The following PDE4D variants were observed in gnomAD, a reference collection of about 807,000 sequenced individuals.
PDE4D encodes phosphodiesterase 4D.
Under a neutral mutation model 87.4 loss-of-function variants are expected in PDE4D, and 24 were observed. That is an observed-to-expected ratio of 0.27 (90% CI 0.20 to 0.39). The LOEUF is 0.39. Among genes scored for constraint, PDE4D ranks in the 10% least tolerant of loss-of-function variants. The probability of loss-of-function intolerance (pLI) is 1.00; values close to 1 mark genes in which losing one functional copy is unlikely to be tolerated. For missense variants in PDE4D, 714 were observed against 1,041.0 expected (o/e 0.69, Z 4.32); for synonymous variants, 384 against 383.2 (o/e 1.00, Z -0.02).
rs35979900 is a variant in PDE4D, at chr5:59,762,854, GATATATATATATATATATATAT to G, written c.455+130292_455+130313del. 9.3e-4 allele frequency among the ~76,000 whole-genome samples: 48 copies of G among 51,690 alleles called. 2 individuals are homozygous for G. The Middle Eastern group carries it at 0.069, about 75-fold the overall frequency. The allele number at this position is 51,690 out of a possible 152,430, so 33.9% of individuals were successfully genotyped here. A position where few individuals can be genotyped will look rare whatever the true frequency, so the allele number is the denominator to read the frequency against. On this transcript the variant is annotated intron_variant, in intron 1 of 14. Transcript: ENST00000340635. ...ACTAAAAAAGAGCAAACTGCTTAAG[GATATATATATATATATATATAT>G]ATATATATATATATATAGCTTGCTC...
intron 5 of PDE4D, among the ~76,000 whole-genome samples, chr5:59,114,889 A>G (rs940089685): frequency 2.7e-5 from 4 of 146,060 alleles, no homozygotes; most frequent in Non-Finnish European, 4.4e-5. Flanking sequence ...AAGTGGGGGG[A>G]AAAGAAAAAG....
intron 1 of PDE4D, among the ~76,000 whole-genome samples, chr5:59,856,576 G>A (rs578008353): frequency 6.6e-6 from 1 of 152,104 alleles, no homozygotes; most frequent in African/African-American, 2.4e-5. Context: ...CTCTATTACC[G>A]ACACGGCATC....
At chr5:59,625,394 C>T (rs1165107714) in intron 1 of PDE4D, among the ~76,000 whole-genome samples, 1 of 151,984 alleles carries the variant, frequency 6.6e-6, no homozygotes, top group East Asian at 1.9e-4. Flanking sequence ...ACCTTGATTC[C>T]AGATAAGATC....
chr5:59,977,459 G>T (rs1055560615), intron 3 of PDE4D, among the ~76,000 whole-genome samples: 5 of 152,128 alleles, frequency 3.3e-5, no homozygotes, highest in Admixed American at 3.3e-4. Context: ...TGCCAGCAGA[G>T]GGTGGTTCAT....
chr5:60,064,967 A>T (rs1006402601), intron 2 of PDE4D, among the ~76,000 whole-genome samples: 2 of 152,184 alleles, frequency 1.3e-5, no homozygotes, highest in Non-Finnish European at 2.9e-5. Flanking sequence ...ACTGCAAGTA[A>T]TTCTTAATTC....
At chr5:59,307,690 T>C (rs1174214208) in intron 1 of PDE4D, among the ~76,000 whole-genome samples, 1 of 151,198 alleles carries the variant, frequency 6.6e-6, no homozygotes, top group East Asian at 1.9e-4. Context: ...AGAATGGCAA[T>C]CATTCAAAAG....
chr5:60,362,992 A>T (rs1306103542), intron 1 of PDE4D, among the ~76,000 whole-genome samples: 1 of 152,224 alleles, frequency 6.6e-6, no homozygotes, highest in Non-Finnish European at 1.5e-5. Context: ...CAGGGTTTAA[A>T]AACTGTCTCT....
chr5:59,968,820 C>T (rs1450557668), intron 3 of PDE4D, among the ~76,000 whole-genome samples: 2 of 151,956 alleles, frequency 1.3e-5, no homozygotes, highest in Non-Finnish European at 2.9e-5. Flanking sequence ...TGGTACCTAC[C>T]GTAGCATCAT....
intron 1 of PDE4D, among the ~76,000 whole-genome samples, chr5:59,370,307 G>T (rs1783750490): frequency 6.6e-6 from 1 of 151,898 alleles, no homozygotes. Flanking sequence ...CTTTTCCATG[G>T]TTTTCAAAAG....
chr5:59,217,224 T>A, intron 1 of PDE4D: 1 of 455,996 alleles, frequency 2.2e-6, no homozygotes, highest in South Asian at 1.5e-5. Context: ...TGATAGCTTA[T>A]GATAGCCCAG....
chr5:58,999,568 T>TAC, intron 6 of PDE4D: 1 of 1,189,298 alleles, frequency 8.4e-7, no homozygotes, highest in Non-Finnish European at 1.1e-6. Context: ...TATATATATA[T>TAC]GTATATATAT....
chr5:59,497,717 A>G (rs369891778), intron 1 of PDE4D, among the ~76,000 whole-genome samples: 1 of 152,192 alleles, frequency 6.6e-6, no homozygotes, highest in Admixed American at 6.5e-5. Flanking sequence ...CATTTCTGAG[A>G]TAAGAGAAAC....
chr5:60,476,680 T>C (rs1275340680), intron 1 of PDE4D, among the ~76,000 whole-genome samples: 3 of 152,140 alleles, frequency 2.0e-5, no homozygotes, highest in Non-Finnish European at 4.4e-5. Context: ...CCAAACGTCA[T>C]TCAGACAGCC....
chr5:59,660,183 T>C (rs1049003203), intron 1 of PDE4D, among the ~76,000 whole-genome samples: 4 of 151,874 alleles, frequency 2.6e-5, no homozygotes, highest in African/African-American at 2.4e-5. Context: ...AGTCTCACTC[T>C]GTCGCCAAAA....
At chr5:60,142,653 T>G (rs900599110) in intron 2 of PDE4D, among the ~76,000 whole-genome samples, 1 of 152,184 alleles carries the variant, frequency 6.6e-6, no homozygotes, top group African/African-American at 2.4e-5. Context: ...CATAGTATTA[T>G]ACACAAAGGG....
intron 1 of PDE4D, among the ~76,000 whole-genome samples, chr5:59,779,271 G>A (rs1332931053): frequency 6.6e-6 from 1 of 152,144 alleles, no homozygotes; most frequent in East Asian, 1.9e-4. Context: ...TTGTAAAAAT[G>A]TTAAAAGTTC....
intron 2 of PDE4D, among the ~76,000 whole-genome samples, chr5:60,137,711 C>T (rs1237056511): frequency 2.6e-5 from 4 of 152,088 alleles, no homozygotes; most frequent in Non-Finnish European, 5.9e-5. Flanking sequence ...GGATAGATTG[C>T]AACAATTTTC....
chr5:59,520,602 G>C (rs1228253678), intron 1 of PDE4D, among the ~76,000 whole-genome samples: 1 of 151,968 alleles, frequency 6.6e-6, no homozygotes, highest in Non-Finnish European at 1.5e-5. Flanking sequence ...AGAACTAAGA[G>C]AAGTATAAGA....
chr5:59,025,200 T>A (rs1755976084), intron 6 of PDE4D, among the ~76,000 whole-genome samples: 1 of 152,194 alleles, frequency 6.6e-6, no homozygotes, highest in African/African-American at 2.4e-5. Context: ...TATCTCTTTA[T>A]TAAAAACTGT....
Sources: gnomAD v4.1 joint callset for allele counts (sites outside exome capture counted in the v4.1 genomes callset) on GRCh38, gnomAD v4.1.1 for gene constraint, MANE v1.5 for transcripts, NCBI Gene and HGNC (gene_info 2026-07-23, HGNC 2026-07-21) for gene names.